HTR1F: variants seen among roughly 807,000 people sequenced by gnomAD.
HTR1F encodes 5-hydroxytryptamine receptor 1F.
A neutral mutation model predicts 24.0 loss-of-function variants in HTR1F; 17 were observed. The ratio of observed to expected loss-of-function variants is 0.71; its 90% CI spans 0.48 to 1.06. The LOEUF is 1.06. Among genes scored for constraint, HTR1F ranks in the 50% least tolerant of loss-of-function variants. The pLI, the probability that HTR1F is intolerant of heterozygous loss-of-function variation, is 0.00. For synonymous variants in HTR1F, 186 were observed against 156.8 expected, an observed-to-expected ratio of 1.19 and a Z score of -1.39; for missense variants, 391 against 427.8, an observed-to-expected ratio of 0.91 and a Z score of 0.76.
At chr3:87,841,900 C>CAAAAAAAA (rs1463648976) in intron 2 of HTR1F, among the ~76,000 whole-genome samples, 6 of 57,362 alleles carry the variant, frequency 1.0e-4, no homozygotes, top group African/African-American at 1.1e-4. Flanking sequence ...GATTCTGTCT[C>CAAAAAAAA]AAAAAAAAAA....
intron 2 of HTR1F, among the ~76,000 whole-genome samples, chr3:87,822,702 G>C (rs542380083): frequency 1.1e-4 from 16 of 152,284 alleles, no homozygotes; most frequent in African/African-American, 3.4e-4. Flanking sequence ...GCCCAGCCCA[G>C]TCTGAGGGGA....
chr3:87,989,905 A>T (rs1240971698), intron 2 of HTR1F, among the ~76,000 whole-genome samples: 1 of 152,180 alleles, frequency 6.6e-6, no homozygotes, highest in Non-Finnish European at 1.5e-5. Flanking sequence ...ATACCTTCTA[A>T]GCTATATGTC....
chr3:87,881,375 C>A (rs748718503), intron 2 of HTR1F, among the ~76,000 whole-genome samples: 6 of 152,142 alleles, frequency 3.9e-5, no homozygotes, highest in Non-Finnish European at 8.8e-5. Context: ...GCCTGGCTGG[C>A]GGAGGGAGTC....
At chr3:87,837,491 A>C (rs906549431) in intron 2 of HTR1F, among the ~76,000 whole-genome samples, 9 of 152,138 alleles carry the variant, frequency 5.9e-5, no homozygotes, top group Non-Finnish European at 7.4e-5. Context: ...CCGGAAGCTG[A>C]ATATGTGTCC....
intron 2 of HTR1F, among the ~76,000 whole-genome samples, chr3:87,900,738 T>A (rs1706302715): frequency 6.6e-6 from 1 of 151,926 alleles, no homozygotes; most frequent in African/African-American, 2.4e-5. Flanking sequence ...AGTAGAGGAG[T>A]TAAGGAGAGT....
At chr3:87,867,216 G>A (rs1217375995) in intron 2 of HTR1F, among the ~76,000 whole-genome samples, 1 of 151,846 alleles carries the variant, frequency 6.6e-6, no homozygotes, top group East Asian at 1.9e-4. Context: ...AGTCAGTGGT[G>A]TTGGCTTCAA....
At chr3:87,847,789 G>A (rs1237804114) in intron 2 of HTR1F, among the ~76,000 whole-genome samples, 1 of 151,796 alleles carries the variant, frequency 6.6e-6, no homozygotes, top group African/African-American at 2.4e-5. Flanking sequence ...GGGAAGGCAG[G>A]CAGTATTTGT....
At chr3:87,841,735 A>G (rs1001691168) in intron 2 of HTR1F, among the ~76,000 whole-genome samples, 1 of 151,332 alleles carries the variant, frequency 6.6e-6, no homozygotes, top group Non-Finnish European at 1.5e-5. Context: ...CCCCATCTCT[A>G]CTAAAAATAC....
intron 2 of HTR1F, among the ~76,000 whole-genome samples, chr3:87,907,386 C>A (rs1432728758): frequency 7.0e-6 from 1 of 143,650 alleles, no homozygotes; most frequent in Admixed American, 6.9e-5. Flanking sequence ...TTTTTTTTTG[C>A]TGATTTTTTT....
chr3:87,937,290 T>G (rs1206588066), intron 2 of HTR1F, among the ~76,000 whole-genome samples: 2 of 152,044 alleles, frequency 1.3e-5, no homozygotes, highest in African/African-American at 4.8e-5. Context: ...GTAGGCTTCA[T>G]CCCAGGGATG....
chr3:87,990,742 CAAAG>C lies in HTR1F; in HGVS notation c.-4_-1del. ...TTTCAGCTATATTAATCTTTTAAAA[CAAAG>C]AAAATGGATTTCTTAAATTCATCTG... On this transcript the variant is annotated 5_prime_UTR_variant, in exon 3 of 3. Transcript: ENST00000319595. The C allele has an allele frequency of 6.3e-7, 1 of 1,599,342 alleles. No homozygotes were observed. Among genetic ancestry groups the C allele is most frequent in the Middle Eastern group, 1.7e-4 (1 of 6,010 alleles).
At chr3:87,959,369 A>T (rs1480651646) in intron 2 of HTR1F, among the ~76,000 whole-genome samples, 1 of 151,960 alleles carries the variant, frequency 6.6e-6, no homozygotes, top group South Asian at 2.1e-4. Context: ...TGCTTCCTAC[A>T]TGTATTCATT....
At chr3:87,978,541 C>T (rs1475288718) in intron 2 of HTR1F, among the ~76,000 whole-genome samples, 2 of 152,112 alleles carry the variant, frequency 1.3e-5, no homozygotes, top group African/African-American at 4.8e-5. Flanking sequence ...CATCCACAGG[C>T]AGGTTGTCTG....
At chr3:87,822,473 G>T (rs1704378643) in intron 2 of HTR1F, among the ~76,000 whole-genome samples, 1 of 152,088 alleles carries the variant, frequency 6.6e-6, no homozygotes, top group Non-Finnish European at 1.5e-5. Flanking sequence ...TACTAAATCA[G>T]ATAAAAACCT....
intron 2 of HTR1F, among the ~76,000 whole-genome samples, chr3:87,877,249 A>G (rs1471126959): frequency 6.6e-6 from 1 of 152,132 alleles, no homozygotes; most frequent in Non-Finnish European, 1.5e-5. Context: ...AATAAAAGAA[A>G]ATAGGATAAT....
chr3:87,858,172 G>C (rs953861645), intron 2 of HTR1F, among the ~76,000 whole-genome samples: 1 of 152,108 alleles, frequency 6.6e-6, no homozygotes, highest in African/African-American at 2.4e-5. Flanking sequence ...TTTATGGCTT[G>C]ATAAATACTC....
At chr3:87,990,303 T>C (rs1705791436) in intron 2 of HTR1F, among the ~76,000 whole-genome samples, 1 of 152,198 alleles carries the variant, frequency 6.6e-6, no homozygotes, top group South Asian at 2.1e-4. Flanking sequence ...TTTGAATATA[T>C]AACTCAACTA....
chr3:87,962,055 C>T (rs561940322), intron 2 of HTR1F, among the ~76,000 whole-genome samples: 6 of 152,148 alleles, frequency 3.9e-5, no homozygotes, highest in South Asian at 2.1e-4. Flanking sequence ...GTGCTATCTA[C>T]ATTGCATCAA....
rs542739356 is a variant in HTR1F at position 87,939,635 on chromosome 3, T to C, written c.-42-51073T>C. ...CGTGTCCAGGAATTTATCTATTTCT[T>C]CTAGATTTTCTAGTTTATTTGCATA... On this transcript the variant is annotated intron_variant, in intron 2 of 2. Coordinates refer to ENST00000319595, the MANE Select transcript of HTR1F (RefSeq NM_001322209.2). Among the ~76,000 whole-genome samples, 300 of 152,328 alleles carry C rather than the reference T, an allele frequency of 2.0e-3. 2 individuals carry two copies. Among genetic ancestry groups the C allele is most frequent in the African/African-American group, 7.0e-3 (290 of 41,584 alleles).
Sources: allele counts gnomAD v4.1 joint callset (sites outside exome capture counted in the v4.1 genomes callset), GRCh38; gene constraint gnomAD v4.1.1; transcripts MANE v1.5; gene names NCBI Gene and HGNC (gene_info 2026-07-23, HGNC 2026-07-21).